DAB1: variants seen among roughly 807,000 people sequenced by gnomAD.
DAB1 encodes the protein disabled homolog 1.
A neutral mutation model predicts 64.6 loss-of-function variants in DAB1; 15 were observed. The ratio of observed to expected loss-of-function variants is 0.23; its 90% CI spans 0.16 to 0.36. The LOEUF (loss-of-function observed/expected upper bound fraction) is 0.36. DAB1 is among the 10% of genes least tolerant of loss of function. DAB1 has a pLI of 1.00. For missense variants in DAB1, 596 were observed against 706.7 expected (o/e 0.84, Z 1.78); for synonymous variants, 235 against 251.9 (o/e 0.93, Z 0.64).
At chr1:57,310,265 G>A (rs1476200932) in intron 1 of DAB1, among the ~76,000 whole-genome samples, 2 of 152,150 alleles carry the variant, frequency 1.3e-5, no homozygotes, top group Admixed American at 1.3e-4. Context: ...AGATGACATT[G>A]GAGCAAAACT....
At chr1:58,399,582 A>G (rs1644552906) in intron 3 of DAB1, among the ~76,000 whole-genome samples, 1 of 152,360 alleles carries the variant, frequency 6.6e-6, no homozygotes, top group Non-Finnish European at 1.5e-5. Context: ...TCCTGAAGTC[A>G]GACTCCAAAG....
At chr1:58,298,275 C>A (rs1011056775) in intron 4 of DAB1, among the ~76,000 whole-genome samples, 5 of 152,168 alleles carry the variant, frequency 3.3e-5, no homozygotes, top group African/African-American at 1.2e-4. Context: ...CCACTTGTAA[C>A]AGGTGCACAG....
At chr1:57,403,209 C>T (rs1419241141) in intron 1 of DAB1, among the ~76,000 whole-genome samples, 1 of 152,140 alleles carries the variant, frequency 6.6e-6, no homozygotes, top group African/African-American at 2.4e-5. Context: ...GAGAATAGGT[C>T]CACTGAAAGC....
At chr1:57,762,940 C>T (rs563544944) in intron 6 of DAB1, among the ~76,000 whole-genome samples, 14 of 152,206 alleles carry the variant, frequency 9.2e-5, no homozygotes, top group African/African-American at 1.7e-4. Context: ...TAGGCCCTGA[C>T]GTAGACGTCA....
rs979759607 is a variant in DAB1 at position 57,193,638 on chromosome 1, G to A, written c.68-48209C>T. ...CCTGACCTCGTGATCCGCCTGCGTC[G>A]GCTTCCAAAGTGCTGGCATTGTAGG... is the stretch of plus-strand genomic sequence containing the variant. On this transcript the variant is annotated intron_variant, in intron 2 of 14. Transcript: ENST00000371236. Among the ~76,000 whole-genome samples, 7 of 152,064 alleles carry A rather than the reference G, an allele frequency of 4.6e-5. No homozygotes were observed. In the South Asian group the frequency reaches 1.0e-3, roughly 23 times the overall value.
At chr1:57,229,195 T>A (rs1246326818) in intron 2 of DAB1, among the ~76,000 whole-genome samples, 1 of 143,728 alleles carries the variant, frequency 7.0e-6, no homozygotes, top group African/African-American at 2.9e-5. Context: ...CACTTCTTCT[T>A]CTTTTTTTTT....
At chr1:57,734,371 T>C (rs1027861930) in intron 6 of DAB1, among the ~76,000 whole-genome samples, 2 of 152,188 alleles carry the variant, frequency 1.3e-5, no homozygotes, top group African/African-American at 4.8e-5. Flanking sequence ...TTACTTTCTT[T>C]ACCAATAAGC....
chr1:57,507,718 A>G (rs906863779), intron 7 of DAB1, among the ~76,000 whole-genome samples: 2 of 152,116 alleles, frequency 1.3e-5, no homozygotes, highest in African/African-American at 2.4e-5. Flanking sequence ...TCCTTTCGTA[A>G]ATGGGCTTCC....
intron 4 of DAB1, among the ~76,000 whole-genome samples, chr1:58,180,818 G>A (rs1656750283): frequency 6.6e-6 from 1 of 152,028 alleles, no homozygotes. Flanking sequence ...TGCGATACTG[G>A]TTTTGTTGGA....
At chr1:57,710,318 T>C (rs1647013064) in intron 6 of DAB1, among the ~76,000 whole-genome samples, 1 of 152,200 alleles carries the variant, frequency 6.6e-6, no homozygotes. Context: ...TTTATTTGTT[T>C]AGAGTTTCAT....
At chr1:57,335,672 C>A (rs1435293865) in intron 1 of DAB1, among the ~76,000 whole-genome samples, 1 of 152,106 alleles carries the variant, frequency 6.6e-6, no homozygotes, top group Non-Finnish European at 1.5e-5. Context: ...ATGGCATACC[C>A]CTGCTCATCT....
At chr1:58,289,988 T>C (rs1041163606) in intron 4 of DAB1, among the ~76,000 whole-genome samples, 3 of 152,218 alleles carry the variant, frequency 2.0e-5, no homozygotes, top group African/African-American at 7.2e-5. Flanking sequence ...AAGAGAGCCC[T>C]GGACTTGGAA....
At chr1:58,257,809 A>C (rs1012989935) in intron 4 of DAB1, among the ~76,000 whole-genome samples, 1 of 152,174 alleles carries the variant, frequency 6.6e-6, no homozygotes, top group Non-Finnish European at 1.5e-5. Flanking sequence ...AGTGACCCCT[A>C]TGAGGTTATG....
chr1:57,281,134 C>T (rs923025592), intron 2 of DAB1, among the ~76,000 whole-genome samples: 1 of 152,136 alleles, frequency 6.6e-6, no homozygotes, highest in Non-Finnish European at 1.5e-5. Context: ...TCAACACTGT[C>T]CTTAGTGGCA....
At chr1:58,179,214 A>G (rs1656650343) in intron 4 of DAB1, among the ~76,000 whole-genome samples, 2 of 151,750 alleles carry the variant, frequency 1.3e-5, no homozygotes, top group Admixed American at 6.6e-5. Context: ...CTCTTTATCT[A>G]TATGTTTCTG....
chr1:57,626,121 C>T (rs1196428201), intron 7 of DAB1, among the ~76,000 whole-genome samples: 2 of 151,816 alleles, frequency 1.3e-5, no homozygotes, highest in East Asian at 3.9e-4. Flanking sequence ...GCAGTGACAA[C>T]TTGATTATTC....
intron 4 of DAB1, among the ~76,000 whole-genome samples, chr1:58,190,934 A>G (rs1166112598): frequency 6.6e-6 from 1 of 152,122 alleles, no homozygotes; most frequent in Non-Finnish European, 1.5e-5. Flanking sequence ...GGGTGGAGGA[A>G]AGGGGACACA....
intron 5 of DAB1, among the ~76,000 whole-genome samples, chr1:58,034,750 G>T (rs1056029009): frequency 1.3e-5 from 2 of 152,172 alleles, no homozygotes; most frequent in Admixed American, 1.3e-4. Context: ...GAGTCTTCCT[G>T]GTCCTTAGGG....
chr1:57,312,148 C>A (rs1325419024), intron 1 of DAB1, among the ~76,000 whole-genome samples: 2 of 152,232 alleles, frequency 1.3e-5, no homozygotes, highest in African/African-American at 2.4e-5. Flanking sequence ...GTGATCCCCA[C>A]AACACGACCC....
Sources: gnomAD v4.1 joint callset for allele counts (sites outside exome capture counted in the v4.1 genomes callset) on GRCh38, gnomAD v4.1.1 for gene constraint, MANE v1.5 for transcripts, NCBI Gene and HGNC (gene_info 2026-07-23, HGNC 2026-07-21) for gene names.